CNKSR2: variants seen among roughly 807,000 people sequenced by gnomAD.
CNKSR2 encodes the protein CNK homolog protein 2.
Under a neutral mutation model 84.4 loss-of-function variants are expected in CNKSR2, and 14 were observed. The ratio of observed to expected loss-of-function variants is 0.17; its 90% CI spans 0.11 to 0.26. CNKSR2 has a LOEUF of 0.26. Ranked by LOEUF, CNKSR2 falls within the 10% of genes least tolerant of loss-of-function variation. CNKSR2 has a pLI of 1.00. For missense variants in CNKSR2, 485 were observed against 771.2 expected (o/e 0.63, Z 4.40); for synonymous variants, 275 against 277.9 (o/e 0.99, Z 0.10).
At chrX:21,517,523 C>T (rs1247712201) in intron 9 of CNKSR2, among the ~76,000 whole-genome samples, 1 of 111,163 alleles carries the variant, frequency 9.0e-6, no homozygotes, top group Non-Finnish European at 1.9e-5. Flanking sequence ...CAGCATGAAA[C>T]GTTACTCTTA....
chrX:21,545,919 G>A (rs913628449), intron 11 of CNKSR2, among the ~76,000 whole-genome samples: 1 of 111,578 alleles, frequency 9.0e-6, no homozygotes, highest in African/African-American at 3.3e-5. Flanking sequence ...CTCATCCAAA[G>A]GTCACCAACA....
At chrX:21,410,790 TTGTG>T (rs36094917) in intron 1 of CNKSR2, among the ~76,000 whole-genome samples, 5 of 103,791 alleles carry the variant, frequency 4.8e-5, no homozygotes, top group Admixed American at 1.0e-4. Flanking sequence ...CACCAAAGGA[TTGTG>T]TGTGTGTGTG....
intron 3 of CNKSR2, among the ~76,000 whole-genome samples, chrX:21,439,411 A>G (rs1038598179): frequency 9.0e-6 from 1 of 110,999 alleles, no homozygotes; most frequent in Non-Finnish European, 1.9e-5. Flanking sequence ...AGAAATATAT[A>G]TATTCAAAAT....
At chrX:21,545,661 A>G (rs1415543547) in intron 11 of CNKSR2, among the ~76,000 whole-genome samples, 3 of 112,031 alleles carry the variant, frequency 2.7e-5, no homozygotes, top group Non-Finnish European at 5.6e-5. Flanking sequence ...GACACCTCAT[A>G]CAGGAGAGCT....
intron 4 of CNKSR2, among the ~76,000 whole-genome samples, chrX:21,446,194 T>C (rs1434878786): frequency 1.8e-5 from 2 of 111,220 alleles, no homozygotes; most frequent in African/African-American, 6.5e-5. Flanking sequence ...TTCCGTATAA[T>C]GCTAATATAG....
chrX:21,611,447 C>T (rs901770475), intron 20 of CNKSR2, among the ~76,000 whole-genome samples: 2 of 112,161 alleles, frequency 1.8e-5, no homozygotes, highest in Admixed American at 1.9e-4. Flanking sequence ...ATAAGCTAGG[C>T]ACTTAACAGT....
chrX:21,503,286 GA>G (rs1186763404), intron 8 of CNKSR2: 3 of 293,167 alleles, frequency 1.0e-5, no homozygotes, highest in East Asian at 9.6e-5. Flanking sequence ...TGATCTTTGG[GA>G]AAACTTGGTT....
At chrX:21,547,196 A>G (rs1484544230) in intron 11 of CNKSR2, among the ~76,000 whole-genome samples, 2 of 111,445 alleles carry the variant, frequency 1.8e-5, no homozygotes, top group Non-Finnish European at 3.8e-5. Context: ...CTGACATGCA[A>G]AGACACACAT....
At chrX:21,486,427 G>T (rs778801771) in intron 5 of CNKSR2, among the ~76,000 whole-genome samples, 1 of 111,934 alleles carries the variant, frequency 8.9e-6, no homozygotes, top group Non-Finnish European at 1.9e-5. Context: ...AATACAAAAT[G>T]AAATTGATCA....
At chrX:21,537,235 CT>C (rs2091936667) in intron 11 of CNKSR2, among the ~76,000 whole-genome samples, 1 of 111,564 alleles carries the variant, frequency 9.0e-6, no homozygotes. Flanking sequence ...TGAAAAGATA[CT>C]TGATAGAATT....
chrX:21,598,183 C>A (rs1309161218), intron 17 of CNKSR2, among the ~76,000 whole-genome samples: 2 of 111,213 alleles, frequency 1.8e-5, no homozygotes, highest in African/African-American at 6.5e-5. Flanking sequence ...TCATCTGTTT[C>A]ATCAGAAATA....
chrX:21,585,530 A>G (rs1373246045), intron 13 of CNKSR2, among the ~76,000 whole-genome samples: 3 of 109,053 alleles, frequency 2.8e-5, no homozygotes, highest in Admixed American at 2.0e-4. Flanking sequence ...GTTAAAGTTG[A>G]CTCCAAGGTT....
At chrX:21,537,872 C>T (rs1213356635) in intron 11 of CNKSR2, 4 of 106,233 alleles carry the variant, frequency 3.8e-5, no homozygotes, top group African/African-American at 1.4e-4. Flanking sequence ...AGGGTTGTTA[C>T]TGATAGGTGA....
chrX:21,471,226 C>G (rs1223211334), intron 5 of CNKSR2, among the ~76,000 whole-genome samples: 2 of 111,816 alleles, frequency 1.8e-5, no homozygotes, highest in African/African-American at 6.5e-5. Flanking sequence ...CAATTCTATA[C>G]CTACGAGACA....
At chrX:21,399,126 A>G (rs1355509950) in intron 1 of CNKSR2, among the ~76,000 whole-genome samples, 1 of 111,297 alleles carries the variant, frequency 9.0e-6, no homozygotes, top group Non-Finnish European at 1.9e-5. Context: ...GTAATACAAT[A>G]TTAGAAAACT....
chrX:21,633,004 C>G (rs1013782651), intron 20 of CNKSR2, among the ~76,000 whole-genome samples: 19 of 111,086 alleles, frequency 1.7e-4, no homozygotes, highest in Non-Finnish European at 3.4e-4. Context: ...CACACACACA[C>G]ACACACACAC....
chrX:21,452,987 A>G (rs1034844071), intron 4 of CNKSR2, among the ~76,000 whole-genome samples: 2 of 109,339 alleles, frequency 1.8e-5, no homozygotes, highest in Non-Finnish European at 3.8e-5. Context: ...GCCCTTTTTG[A>G]ATTACCCATA....
chrX:21,602,444 C>G (rs1055093146), intron 18 of CNKSR2, among the ~76,000 whole-genome samples: 1 of 112,162 alleles, frequency 8.9e-6, no homozygotes, highest in African/African-American at 3.2e-5. Flanking sequence ...CATGAGCCAT[C>G]GTGCCTGGCC....
chrX:21,588,299 C>T (rs2092400906), intron 13 of CNKSR2, among the ~76,000 whole-genome samples: 1 of 112,205 alleles, frequency 8.9e-6, no homozygotes, highest in Admixed American at 9.5e-5. Context: ...AGGGCAAATA[C>T]TGCAAGTAGG....
Sources: allele counts gnomAD v4.1 joint callset (sites outside exome capture counted in the v4.1 genomes callset), GRCh38; gene constraint gnomAD v4.1.1; transcripts MANE v1.5; gene names NCBI Gene and HGNC (gene_info 2026-07-23, HGNC 2026-07-21).